The following EFCAB11 variants were observed in gnomAD, a reference collection of about 807,000 sequenced individuals.
EFCAB11 encodes EF-hand calcium binding domain 11, also known as EF-hand calcium-binding domain-containing protein 11.
Under a neutral mutation model 23.0 loss-of-function variants are expected in EFCAB11, and 14 were observed. That is an observed-to-expected ratio of 0.61 (90% confidence interval 0.40 to 0.95). The LOEUF is 0.95. Ranked by LOEUF, EFCAB11 falls within the 40% of genes least tolerant of loss-of-function variation. The pLI is 0.00. For missense variants in EFCAB11, 198 were observed against 195.8 expected, an observed-to-expected ratio of 1.01 and a Z score of -0.07; for synonymous variants, 65 against 66.6, an observed-to-expected ratio of 0.98 and a Z score of 0.11.
chr14:89,931,441 TC>T lies in EFCAB11; in HGVS notation c.410+99del, dbSNP rs1443173474. 15 of 1,125,890 alleles carry T rather than the reference TC, an allele frequency of 1.3e-5. No homozygotes were observed. In the African/African-American group the frequency reaches 2.2e-4, roughly 17 times the overall value. 69.7% of individuals were successfully genotyped at this position (1,125,890 alleles called of 1,614,324 possible). On this transcript the variant is annotated intron_variant, in intron 5 of 5. Coordinates refer to ENST00000316738, the MANE Select transcript of EFCAB11 (RefSeq NM_145231.4). The stretch of plus-strand genomic sequence containing the variant: ...GCTGCAAGAGAAAAATGTTCCAGAC[TC>T]AAAAATCAGAATAAATAAGTTCTTT...
At chr14:89,822,662 TG>T (rs1488653943) in intron 5 of EFCAB11, among the ~76,000 whole-genome samples, 1 of 152,044 alleles carries the variant, frequency 6.6e-6, no homozygotes, top group Non-Finnish European at 1.5e-5. Flanking sequence ...TCCAAACCCA[TG>T]GGAAAAGAAC....
At position 89,795,340 on chromosome 14, in the gene EFCAB11, G is replaced by A. The variant is rs117088165; in HGVS notation, c.*1903C>T. 3.3e-5 allele frequency: 5 copies of A among 150,390 alleles called. No homozygotes were observed. The highest frequency in any genetic ancestry group is 5.9e-5 in the Non-Finnish European group (4 of 67,550). The allele number at this position is 150,390 out of a possible 1,614,324, so 9.3% of individuals were successfully genotyped here. ...CCAGGATACCAAATGACATTTAGTT[G>A]TCACATCTTGTTAGGCTCCTCTTAT... On this transcript the variant is annotated 3_prime_UTR_variant, in exon 6 of 6. Coordinates refer to ENST00000316738, the MANE Select transcript of EFCAB11 (RefSeq NM_145231.4).
intron 3 of EFCAB11, among the ~76,000 whole-genome samples, chr14:89,945,223 T>C (rs902446102): frequency 2.6e-5 from 4 of 152,048 alleles, no homozygotes; most frequent in African/African-American, 9.7e-5. Flanking sequence ...CAATTTCCAT[T>C]CCAATCTTTA....
chr14:89,931,432 G>A lies in EFCAB11; in HGVS notation c.410+109C>T, dbSNP rs1325819730. On this transcript the variant is annotated intron_variant, in intron 5 of 5. Transcript: ENST00000316738. ...TGACACTATGCTGCAAGAGAAAAATGTTCCAGACTCAAAAATCAGAATAAA... is the reference window on the plus strand; with the variant it reads ...TGACACTATGCTGCAAGAGAAAAATATTCCAGACTCAAAAATCAGAATAAA... 3.9e-6 allele frequency: 4 copies of A among 1,019,386 alleles called. No individual in the cohort carries two copies. The African/African-American group carries it at 4.9e-5, about 12-fold the overall frequency. 63.1% of individuals were successfully genotyped at this position (1,019,386 alleles called of 1,614,324 possible).
intron 3 of EFCAB11, among the ~76,000 whole-genome samples, chr14:89,934,971 G>A (rs578168258): frequency 1.3e-5 from 2 of 152,116 alleles, no homozygotes; most frequent in African/African-American, 4.8e-5. Context: ...CAAGCCAAGA[G>A]GCCCTTTCGC....
At chr14:89,834,246 C>T (rs1287655854) in intron 5 of EFCAB11, among the ~76,000 whole-genome samples, 3 of 151,550 alleles carry the variant, frequency 2.0e-5, no homozygotes, top group African/African-American at 4.9e-5. Flanking sequence ...CATGGTGGCG[C>T]GTGCCTGTAA....
At chr14:89,818,465 G>C (rs1248165330) in intron 5 of EFCAB11, among the ~76,000 whole-genome samples, 2 of 152,052 alleles carry the variant, frequency 1.3e-5, no homozygotes, top group African/African-American at 4.8e-5. Flanking sequence ...GGGAAGGAAG[G>C]AGGGAGGAAG....
chr14:89,810,624 C>T (rs1886119985), intron 5 of EFCAB11, among the ~76,000 whole-genome samples: 1 of 151,984 alleles, frequency 6.6e-6, no homozygotes, highest in South Asian at 2.1e-4. Flanking sequence ...GGTATGGTGG[C>T]GGGCACCTGT....
intron 5 of EFCAB11, among the ~76,000 whole-genome samples, chr14:89,833,994 T>G (rs1196438318): frequency 6.6e-6 from 1 of 152,192 alleles, no homozygotes; most frequent in Admixed American, 6.5e-5. Context: ...TATGGTTTTT[T>G]CCCCTCAGTG....
intron 4 of EFCAB11, among the ~76,000 whole-genome samples, chr14:89,932,118 G>T (rs1890411451): frequency 6.6e-6 from 1 of 152,074 alleles, no homozygotes; most frequent in South Asian, 2.1e-4. Context: ...GGCCTAGGGG[G>T]TCTACAGCCA....
chr14:89,949,136 G>A (rs1312366323), intron 3 of EFCAB11, among the ~76,000 whole-genome samples: 2 of 151,986 alleles, frequency 1.3e-5, no homozygotes, highest in Non-Finnish European at 2.9e-5. Flanking sequence ...AGTGTAACTG[G>A]ACTGTTTGTA....
At chr14:89,951,210 A>T (rs937851506) in intron 2 of EFCAB11, among the ~76,000 whole-genome samples, 2 of 152,198 alleles carry the variant, frequency 1.3e-5, no homozygotes, top group African/African-American at 4.8e-5. Context: ...ATCGAAACTC[A>T]CTGACTTCCT....
chr14:89,948,811 G>A (rs1287813725), intron 3 of EFCAB11, among the ~76,000 whole-genome samples: 1 of 151,948 alleles, frequency 6.6e-6, no homozygotes, highest in Non-Finnish European at 1.5e-5. Flanking sequence ...ATAGAAAGTA[G>A]AAGGATGGTT....
At chr14:89,917,080 G>A (rs1314854174) in intron 5 of EFCAB11, among the ~76,000 whole-genome samples, 1 of 141,378 alleles carries the variant, frequency 7.1e-6, no homozygotes, top group Non-Finnish European at 1.5e-5. Context: ...GTGTGTGTGT[G>A]TGTGTGTGTG....
chr14:89,948,970 A>G (rs1891069622), intron 3 of EFCAB11, among the ~76,000 whole-genome samples: 1 of 152,240 alleles, frequency 6.6e-6, no homozygotes, highest in Non-Finnish European at 1.5e-5. Context: ...ATTAAAAAAT[A>G]ACCAAAAGAG....
intron 5 of EFCAB11, among the ~76,000 whole-genome samples, chr14:89,880,838 A>G (rs1205761349): frequency 6.6e-6 from 1 of 152,120 alleles, no homozygotes; most frequent in Non-Finnish European, 1.5e-5. Flanking sequence ...TAAAAATACT[A>G]ACTCTGGAGT....
At chr14:89,876,618 G>A (rs911874304) in intron 5 of EFCAB11, among the ~76,000 whole-genome samples, 2 of 152,144 alleles carry the variant, frequency 1.3e-5, no homozygotes, top group African/African-American at 4.8e-5. Flanking sequence ...TTCAGTTGGG[G>A]TCACAAGAAA....
At chr14:89,812,991 T>C (rs535781920) in intron 5 of EFCAB11, among the ~76,000 whole-genome samples, 1 of 152,116 alleles carries the variant, frequency 6.6e-6, no homozygotes, top group East Asian at 1.9e-4. Context: ...TAGAAACAAG[T>C]AAATGTTTTC....
chr14:89,836,562 G>C (rs547424402), intron 5 of EFCAB11: 28 of 456,666 alleles, frequency 6.1e-5, no homozygotes, highest in South Asian at 4.3e-4. Context: ...GGGACCAGAC[G>C]TCAGTACTCC....
Sources: gnomAD v4.1 joint callset for allele counts (sites outside exome capture counted in the v4.1 genomes callset) on GRCh38, gnomAD v4.1.1 for gene constraint, MANE v1.5 for transcripts, NCBI Gene and HGNC (gene_info 2026-07-23, HGNC 2026-07-21) for gene names.